The following DGKI variants were observed in gnomAD, a reference collection of about 807,000 sequenced individuals.
The protein encoded by DGKI is diacylglycerol kinase iota.
A neutral mutation model predicts 147.5 loss-of-function variants in DGKI; 55 were observed. The observed-to-expected ratio is 0.37, with a 90% CI of 0.30 to 0.47. The LOEUF is 0.47. DGKI is among the 20% of genes least tolerant of loss of function. The probability of loss-of-function intolerance (pLI) is 1.00; values close to 1 mark genes in which losing one functional copy is unlikely to be tolerated. For synonymous variants in DGKI, 469 were observed against 477.1 expected (o/e 0.98, Z 0.22); for missense variants, 1,007 against 1,323.8 (o/e 0.76, Z 3.71).
At chr7:137,734,802 G>T (rs922733518) in intron 1 of DGKI, among the ~76,000 whole-genome samples, 5 of 152,102 alleles carry the variant, frequency 3.3e-5, no homozygotes, top group Non-Finnish European at 7.4e-5. Context: ...TTCACAATGA[G>T]AGACCTTGCA....
intron 1 of DGKI, among the ~76,000 whole-genome samples, chr7:137,789,852 G>T (rs1248399720): frequency 6.6e-6 from 1 of 152,116 alleles, no homozygotes; most frequent in Non-Finnish European, 1.5e-5. Context: ...ACAACAAGGG[G>T]CACTTGGAAA....
chr7:137,440,910 T>C (rs1432496311), intron 28 of DGKI, among the ~76,000 whole-genome samples: 3 of 152,184 alleles, frequency 2.0e-5, no homozygotes, highest in Admixed American at 6.5e-5. Flanking sequence ...ATAAGCTAAA[T>C]GGTGTATTAA....
chr7:137,630,650 G>A (rs1043382724), intron 6 of DGKI, among the ~76,000 whole-genome samples: 1 of 152,100 alleles, frequency 6.6e-6, no homozygotes, highest in African/African-American at 2.4e-5. Flanking sequence ...GGCAACTGAT[G>A]TACATTTTAA....
At chr7:137,647,602 C>T (rs190436343) in intron 5 of DGKI, among the ~76,000 whole-genome samples, 1 of 152,266 alleles carries the variant, frequency 6.6e-6, no homozygotes, top group Non-Finnish European at 1.5e-5. Flanking sequence ...AAGAAAGTGA[C>T]GGCAATTCTA....
intron 20 of DGKI, among the ~76,000 whole-genome samples, chr7:137,537,589 T>A (rs926434208): frequency 1.3e-5 from 2 of 152,128 alleles, no homozygotes; most frequent in African/African-American, 4.8e-5. Flanking sequence ...TTTGGTACCC[T>A]CGAAATTGGT....
chr7:137,706,088 G>T (rs1039532648), intron 1 of DGKI, among the ~76,000 whole-genome samples: 5 of 151,590 alleles, frequency 3.3e-5, no homozygotes, highest in African/African-American at 7.3e-5. Flanking sequence ...CAAATATTCA[G>T]AAATATTTAT....
intron 20 of DGKI, among the ~76,000 whole-genome samples, chr7:137,525,085 G>A (rs1817096827): frequency 6.8e-6 from 1 of 146,190 alleles, no homozygotes; most frequent in East Asian, 2.0e-4. Flanking sequence ...AACTTCCAGG[G>A]GGCACACCAT....
intron 10 of DGKI, among the ~76,000 whole-genome samples, chr7:137,601,668 C>T (rs1819996627): frequency 6.6e-6 from 1 of 152,226 alleles, no homozygotes; most frequent in Non-Finnish European, 1.5e-5. Flanking sequence ...ACGTATCTAG[C>T]ACAGTATGCG....
At chr7:137,833,401 G>A (rs1458328586) in intron 1 of DGKI, among the ~76,000 whole-genome samples, 1 of 152,078 alleles carries the variant, frequency 6.6e-6, no homozygotes, top group African/African-American at 2.4e-5. Context: ...GCTTGTGCAG[G>A]GAAACTCACC....
intron 1 of DGKI, among the ~76,000 whole-genome samples, chr7:137,813,235 C>G (rs1419316427): frequency 6.6e-6 from 1 of 152,140 alleles, no homozygotes; most frequent in Non-Finnish European, 1.5e-5. Flanking sequence ...CAGTCACTCT[C>G]GGGAGCATCA....
At chr7:137,650,708 G>A (rs543951182) in intron 5 of DGKI, among the ~76,000 whole-genome samples, 3 of 152,270 alleles carry the variant, frequency 2.0e-5, no homozygotes, top group South Asian at 4.1e-4. Context: ...ATTGGACCAC[G>A]CTGGTACATT....
At chr7:137,612,645 G>T (rs1341239604) in intron 8 of DGKI, among the ~76,000 whole-genome samples, 2 of 152,106 alleles carry the variant, frequency 1.3e-5, no homozygotes, top group African/African-American at 4.8e-5. Context: ...GGTCAGTGTT[G>T]TTGAGAGAGT....
At chr7:137,777,338 G>C (rs1424221751) in intron 1 of DGKI, among the ~76,000 whole-genome samples, 12 of 152,118 alleles carry the variant, frequency 7.9e-5, no homozygotes, top group Non-Finnish European at 1.5e-5. Context: ...TTAAAACTGG[G>C]ATTCCACCAA....
chr7:137,747,440 C>T (rs376566348), intron 1 of DGKI, among the ~76,000 whole-genome samples: 2 of 152,250 alleles, frequency 1.3e-5, no homozygotes, highest in East Asian at 3.9e-4. Context: ...ACAGAAAATA[C>T]CCTCTCCATA....
intron 1 of DGKI, among the ~76,000 whole-genome samples, chr7:137,725,084 A>G (rs1354795672): frequency 6.6e-6 from 1 of 152,072 alleles, no homozygotes; most frequent in East Asian, 1.9e-4. Context: ...AGAAGGTTTG[A>G]AAAGGATTCC....
intron 23 of DGKI, among the ~76,000 whole-genome samples, chr7:137,484,516 G>A (rs1386442038): frequency 2.0e-5 from 3 of 152,190 alleles, no homozygotes; most frequent in South Asian, 2.1e-4. Context: ...GGCAGGGTAA[G>A]GAGCCTTCAG....
At chr7:137,636,097 T>C (rs1184590935) in intron 6 of DGKI, among the ~76,000 whole-genome samples, 1 of 152,178 alleles carries the variant, frequency 6.6e-6, no homozygotes, top group Non-Finnish European at 1.5e-5. Flanking sequence ...CAACAGAAGC[T>C]GGAAGAATAC....
chr7:137,691,798 G>GTTTTTTTTTTTTTTTT lies in DGKI; in HGVS notation c.402-1812_402-1797dup, dbSNP rs796902464. ...GCTCAGCAAGTGTCTAGACCTTTGG[G>GTTTTTTTTTTTTTTTT]TTTTTTTTTTTTTTTTTTTTTTTAA... is the stretch of plus-strand genomic sequence containing the variant. On this transcript the variant is annotated intron_variant, in intron 1 of 32. Coordinates refer to ENST00000614521, the MANE Select transcript of DGKI (RefSeq NM_001321708.2). Among the ~76,000 whole-genome samples the GTTTTTTTTTTTTTTTT allele has an allele frequency of 1.9e-3, 184 of 95,762 alleles. 2 individuals carry two copies. Among genetic ancestry groups the GTTTTTTTTTTTTTTTT allele is most frequent in the African/African-American group, 6.6e-3 (168 of 25,598 alleles). The allele number at this position is 95,762 out of a possible 152,430, so 62.8% of individuals were successfully genotyped here. A position where few individuals can be genotyped will look rare whatever the true frequency, so the allele number is the denominator to read the frequency against.
At chr7:137,665,395 G>C (rs979856014) in intron 3 of DGKI, among the ~76,000 whole-genome samples, 5 of 152,096 alleles carry the variant, frequency 3.3e-5, no homozygotes, top group Admixed American at 3.3e-4. Flanking sequence ...AGCTCAGGAG[G>C]GCTTCAATCC....
Sources: gnomAD v4.1 joint callset for allele counts (sites outside exome capture counted in the v4.1 genomes callset) on GRCh38, gnomAD v4.1.1 for gene constraint, MANE v1.5 for transcripts, NCBI Gene and HGNC (gene_info 2026-07-23, HGNC 2026-07-21) for gene names.